The following CDH13 variants were observed in gnomAD, a reference collection of about 807,000 sequenced individuals.
CDH13 encodes cadherin 13, also known as cadherin-13.
CDH13 carries 24 observed loss-of-function variants against 63.8 expected under a neutral mutation model. That is an observed-to-expected ratio of 0.38 (90% CI 0.27 to 0.53). The LOEUF (loss-of-function observed/expected upper bound fraction) is 0.53. Among genes scored for constraint, CDH13 ranks in the 20% least tolerant of loss-of-function variants. CDH13 has a pLI of 0.85. For missense variants in CDH13, 1,049 were observed against 903.1 expected, an observed-to-expected ratio of 1.16 and a Z score of -2.07; for synonymous variants, 503 against 355.3, an observed-to-expected ratio of 1.42 and a Z score of -4.67.
chr16:83,402,042 T>C (rs190251129), intron 6 of CDH13, among the ~76,000 whole-genome samples: 1 of 151,178 alleles, frequency 6.6e-6, no homozygotes, highest in Non-Finnish European at 1.5e-5. Flanking sequence ...TGCTATCTTT[T>C]TTCTTTCTCA....
intron 4 of CDH13, 55 bp downstream of exon 4, chr16:83,125,556 C>G (rs778035376): frequency 2.2e-6 from 2 of 924,068 alleles, no homozygotes; most frequent in Non-Finnish European, 3.5e-6. Context: ...AAGATGAGCA[C>G]AGCAGACTGA....
intron 6 of CDH13, among the ~76,000 whole-genome samples, chr16:83,373,629 TTAAGACTATTAGGAACAAA>T (rs369844060): frequency 6.5e-4 from 99 of 152,290 alleles, no homozygotes; most frequent in African/African-American, 2.4e-3. Flanking sequence ...AGTGTATGTG[TTAAGACTATTAGGAACAAA>T]ATATTTGTGG....
At chr16:83,497,420 C>G (rs1191576026) in intron 7 of CDH13, among the ~76,000 whole-genome samples, 1 of 149,348 alleles carries the variant, frequency 6.7e-6, no homozygotes, top group African/African-American at 2.5e-5. Flanking sequence ...AACAAAAAAC[C>G]AAACACCGCA....
chr16:83,623,022 G>T (rs1478688368), intron 8 of CDH13, among the ~76,000 whole-genome samples: 3 of 152,202 alleles, frequency 2.0e-5, no homozygotes, highest in Non-Finnish European at 4.4e-5. Context: ...TAAGGGAAAT[G>T]GACCCGAAGT....
chr16:82,875,806 C>T (rs897505105), intron 2 of CDH13, among the ~76,000 whole-genome samples: 2 of 152,136 alleles, frequency 1.3e-5, no homozygotes, highest in African/African-American at 4.8e-5. Context: ...AATAAGTTTG[C>T]TAGGTTACAT....
chr16:82,725,973 A>G (rs965750177), intron 1 of CDH13, among the ~76,000 whole-genome samples: 1 of 152,156 alleles, frequency 6.6e-6, no homozygotes, highest in Admixed American at 6.5e-5. Flanking sequence ...TGAAGGTGTG[A>G]AACCTTTGGT....
chr16:82,720,781 ATTG>A (rs1412919359), intron 1 of CDH13, among the ~76,000 whole-genome samples: 4 of 152,092 alleles, frequency 2.6e-5, no homozygotes, highest in Non-Finnish European at 5.9e-5. Flanking sequence ...GTCTTCCTGC[ATTG>A]TTGTTTGAGT....
chr16:82,711,603 C>A (rs7204573), intron 1 of CDH13, among the ~76,000 whole-genome samples: 1 of 152,210 alleles, frequency 6.6e-6, no homozygotes, highest in Non-Finnish European at 1.5e-5. Context: ...GACAAAGACA[C>A]TGAGATCCAG....
At chr16:83,072,888 C>A (rs3935907) in intron 3 of CDH13, among the ~76,000 whole-genome samples, 1 of 152,096 alleles carries the variant, frequency 6.6e-6, no homozygotes, top group Non-Finnish European at 1.5e-5. Flanking sequence ...TGGAGGATTT[C>A]TAACATTTCT....
intron 2 of CDH13, among the ~76,000 whole-genome samples, chr16:82,899,530 A>G (rs2041387182): frequency 6.6e-6 from 1 of 152,154 alleles, no homozygotes; most frequent in African/African-American, 2.4e-5. Flanking sequence ...ATTATCTAGT[A>G]CAAGCCCTAG....
At chr16:83,279,570 C>T (rs2089098528) in intron 5 of CDH13, among the ~76,000 whole-genome samples, 1 of 152,032 alleles carries the variant, frequency 6.6e-6, no homozygotes, top group Admixed American at 6.6e-5. Context: ...GGCAATTTAC[C>T]CATCTTTATT....
intron 5 of CDH13, among the ~76,000 whole-genome samples, chr16:83,260,972 G>A (rs1392200520): frequency 6.6e-6 from 1 of 152,100 alleles, no homozygotes; most frequent in Non-Finnish European, 1.5e-5. Flanking sequence ...GCAGGAACTG[G>A]TGGAGATCTT....
rs568312514 is a variant in CDH13 at position 83,576,734 on chromosome 16, T to G, written c.961-25720T>G. On this transcript the variant is annotated intron_variant, in intron 7 of 13. Coordinates refer to ENST00000567109, the MANE Select transcript of CDH13 (RefSeq NM_001257.5). The stretch of plus-strand genomic sequence containing the variant: ...GTCTATGAGGTGCCATCTCATAGTT[T>G]TGACTTACATTTATGTCATGATTAG... Among the ~76,000 whole-genome samples the G allele has an allele frequency of 2.1e-3, 314 of 152,368 alleles. 1 individual carries two copies. The highest frequency in any genetic ancestry group is 6.0e-3 in the African/African-American group (249 of 41,600).
intron 1 of CDH13, among the ~76,000 whole-genome samples, chr16:82,821,373 C>T (rs769939854): frequency 1.3e-5 from 2 of 152,148 alleles, no homozygotes; most frequent in Non-Finnish European, 2.9e-5. Context: ...TGAGACGATT[C>T]GAGGCAGATA....
At chr16:82,982,549 T>G (rs1910413083) in intron 2 of CDH13, among the ~76,000 whole-genome samples, 3 of 152,232 alleles carry the variant, frequency 2.0e-5, no homozygotes, top group Non-Finnish European at 4.4e-5. Context: ...TTGCATGGCT[T>G]CAACTATCAG....
intron 3 of CDH13, among the ~76,000 whole-genome samples, chr16:83,100,700 A>G (rs1367469103): frequency 6.6e-6 from 1 of 152,170 alleles, no homozygotes; most frequent in African/African-American, 2.4e-5. Flanking sequence ...TGGCATAAGA[A>G]TTTTGGGTTA....
chr16:82,841,245 A>G (rs2038996993), intron 1 of CDH13, among the ~76,000 whole-genome samples: 1 of 152,214 alleles, frequency 6.6e-6, no homozygotes, highest in African/African-American at 2.4e-5. Flanking sequence ...AAGGCCATCT[A>G]GCAGATACAG....
At chr16:82,983,478 GAGTTCCCTGGATTCCAGGA>G (rs1910548003) in intron 2 of CDH13, among the ~76,000 whole-genome samples, 1 of 152,170 alleles carries the variant, frequency 6.6e-6, no homozygotes, top group South Asian at 2.1e-4. Context: ...CACTTCCTTT[GAGTTCCCTGGATTCCAGGA>G]AGACAGAATT....
chr16:82,869,773 C>G (rs1418573474), intron 2 of CDH13, among the ~76,000 whole-genome samples: 1 of 152,020 alleles, frequency 6.6e-6, no homozygotes, highest in Non-Finnish European at 1.5e-5. Flanking sequence ...AACTGGATAT[C>G]CATATGCAGA....
Sources: allele counts gnomAD v4.1 joint callset (sites outside exome capture counted in the v4.1 genomes callset), GRCh38; gene constraint gnomAD v4.1.1; transcripts MANE v1.5; gene names NCBI Gene and HGNC (gene_info 2026-07-23, HGNC 2026-07-21).